The following AFF3 variants were observed in gnomAD, a reference collection of about 807,000 sequenced individuals.
The protein encoded by AFF3 is ALF transcription elongation factor 3.
AFF3 carries 32 observed loss-of-function variants against 129.7 expected under a neutral mutation model. That is an observed-to-expected ratio of 0.25 (90% CI 0.19 to 0.33). AFF3 has a LOEUF of 0.33. Ranked by LOEUF, AFF3 falls within the 10% of genes least tolerant of loss-of-function variation. AFF3 has a pLI of 1.00. For missense variants in AFF3, 1,373 were observed against 1,592.0 expected (o/e 0.86, Z 2.34); for synonymous variants, 644 against 635.4 (o/e 1.01, Z -0.20).
At chr2:99,811,488 C>G (rs961353742) in intron 8 of AFF3, among the ~76,000 whole-genome samples, 1 of 152,064 alleles carries the variant, frequency 6.6e-6, no homozygotes, top group South Asian at 2.1e-4. Context: ...TGGTCTGGTG[C>G]TCTTTATCCT....
At position 99,593,484 on chromosome 2, in the gene AFF3, A is replaced by G; in HGVS notation, c.2177T>C (p.Ile726Thr). The change falls in exon 15 of 25, where the codon ATC (isoleucine) becomes ACC (threonine). Residue 726 changes from isoleucine (I) to threonine (T), a missense_variant. Ile to Thr is a moderately conservative substitution (Grantham distance 89). This residue lies in a region of AFF3 where 466 missense variants were observed against 505.0 expected (regional missense o/e 0.92). Coordinates refer to ENST00000672756, the MANE Select transcript of AFF3 (RefSeq NM_001386135.1). ...GATGTCACTGGTGGTCCTGGCGTTG[A>G]TGGAGCCTACAGGGGCCCTAGGACC... Reference protein sequence around the residue: ...GSGPRAPVGSINARTTSDIAK... With the variant: ...GSGPRAPVGSTNARTTSDIAK... 6.2e-7 allele frequency: 1 copy of G among 1,613,826 alleles called. No homozygotes were observed. Among genetic ancestry groups the G allele is most frequent in the East Asian group, 2.2e-5 (1 of 44,850 alleles).
intron 7 of AFF3, among the ~76,000 whole-genome samples, chr2:99,910,312 A>G (rs1289855841): frequency 6.6e-6 from 1 of 152,166 alleles, no homozygotes; most frequent in Non-Finnish European, 1.5e-5. Context: ...TTTATTGCTC[A>G]TTTGTTTTCA....
At chr2:99,577,823 G>A (rs1045089534) in intron 18 of AFF3, among the ~76,000 whole-genome samples, 1 of 152,128 alleles carries the variant, frequency 6.6e-6, no homozygotes, top group Non-Finnish European at 1.5e-5. Context: ...TTATACTTGT[G>A]TGAAACTGAA....
intron 7 of AFF3, among the ~76,000 whole-genome samples, chr2:99,845,721 C>T (rs1184221464): frequency 6.6e-6 from 1 of 152,150 alleles, no homozygotes; most frequent in Non-Finnish European, 1.5e-5. Flanking sequence ...GCAGGAGTGA[C>T]AATGCTGAAG....
chr2:100,059,465 C>T lies in AFF3; in HGVS notation c.53+44937G>A, dbSNP rs1687074758. 2.0e-5 allele frequency among the ~76,000 whole-genome samples: 3 copies of T among 152,026 alleles called. No homozygotes were observed. The South Asian group carries it at 6.2e-4, about 32-fold the overall frequency. On this transcript the variant is annotated intron_variant, in intron 4 of 24. Transcript: ENST00000672756. ...ACATAATTAAAAAGTCTTAGTGAGG[C>T]TGTGGAGAAACTGGAACCTTCATAC...
chr2:99,578,334 C>G lies in AFF3; in HGVS notation c.2911G>C (p.Asp971His), dbSNP rs756936353. ...RDCKRQKLVF[D>H]DMPRSADYFM... is the part of the protein sequence containing the mutation. ...AAAAGCGTCTGAACTTACATATCAT[C>G]GAAGACAAGTTTCTGCCTCTTGCAG... The change falls in exon 18 of 25, where the codon GAT becomes CAT. Residue 971 changes from aspartate to histidine, a missense_variant. By Grantham distance (81) the Asp-to-His change is moderately conservative (BLOSUM62 -1). Transcript: ENST00000672756. The G allele has an allele frequency of 4.4e-6, 7 of 1,599,848 alleles. No individual in the cohort carries two copies. The highest frequency in any genetic ancestry group is 1.1e-5 in the South Asian group (1 of 88,226).
intron 10 of AFF3, among the ~76,000 whole-genome samples, chr2:99,736,044 C>T (rs916235996): frequency 3.3e-5 from 5 of 152,056 alleles, no homozygotes; most frequent in Non-Finnish European, 7.4e-5. Context: ...TTGAAACTTG[C>T]TTTATGGTCC....
chr2:100,095,968 C>T (rs867987373), intron 4 of AFF3, among the ~76,000 whole-genome samples: 5 of 152,068 alleles, frequency 3.3e-5, no homozygotes, highest in African/African-American at 7.2e-5. Context: ...ATGGGTTCCA[C>T]GTAGAGTCTT....
chr2:99,785,383 A>G lies in AFF3; in HGVS notation c.922-33082T>C, dbSNP rs570951392. Among the ~76,000 whole-genome samples the G allele has an allele frequency of 5.3e-5, 8 of 152,342 alleles. No homozygotes were observed. The East Asian group carries it at 1.4e-3, about 26-fold the overall frequency. ...ACAGAAGTGGCTTCTACCTGCCTTT[A>G]TAAGGACAGCGCTAGTTCGAAAATT... On this transcript the variant is annotated intron_variant, in intron 8 of 24. Transcript: ENST00000672756.
intron 11 of AFF3, chr2:99,707,432 C>T (rs2104838581): frequency 1.0e-6 from 1 of 985,272 alleles, no homozygotes; most frequent in Non-Finnish European, 1.2e-6. Context: ...TATCAAGTAT[C>T]AGATAATTTT....
chr2:99,949,086 C>T (rs917211657), intron 7 of AFF3, among the ~76,000 whole-genome samples: 1 of 152,102 alleles, frequency 6.6e-6, no homozygotes, highest in Non-Finnish European at 1.5e-5. Context: ...GATTTAAATC[C>T]TAGCTCTGCC....
intron 9 of AFF3, among the ~76,000 whole-genome samples, chr2:99,749,421 A>G (rs1681442721): frequency 6.6e-6 from 1 of 152,230 alleles, no homozygotes; most frequent in Non-Finnish European, 1.5e-5. Flanking sequence ...ATATTTTTGG[A>G]AAAGTCGTAA....
At chr2:99,668,307 G>A (rs1270380772) in intron 12 of AFF3, among the ~76,000 whole-genome samples, 2 of 152,014 alleles carry the variant, frequency 1.3e-5, no homozygotes, top group Admixed American at 6.5e-5. Context: ...GAGTAGCTGG[G>A]ATTACACGTG....
chr2:99,729,930 T>C (rs998546429), intron 10 of AFF3, among the ~76,000 whole-genome samples: 6 of 152,066 alleles, frequency 3.9e-5, no homozygotes, highest in African/African-American at 1.4e-4. Flanking sequence ...GAAGCCATTT[T>C]ACATGCGGAA....
intron 7 of AFF3, among the ~76,000 whole-genome samples, chr2:99,855,478 A>G (rs1425875571): frequency 6.6e-6 from 1 of 152,220 alleles, no homozygotes; most frequent in African/African-American, 2.4e-5. Context: ...AGCAAAAAAA[A>G]TACCTTGATG....
At chr2:100,092,169 G>A (rs185710803) in intron 4 of AFF3, among the ~76,000 whole-genome samples, 19 of 152,150 alleles carry the variant, frequency 1.2e-4, no homozygotes, top group Non-Finnish European at 2.2e-4. Flanking sequence ...GCATTTACAC[G>A]CAATACATTT....
intron 12 of AFF3, among the ~76,000 whole-genome samples, chr2:99,652,126 G>A (rs912328282): frequency 2.0e-5 from 3 of 152,192 alleles, no homozygotes; most frequent in African/African-American, 7.2e-5. Flanking sequence ...TTAGAGGGAT[G>A]AATCAGTCAG....
At position 99,855,348 on chromosome 2, in the gene AFF3, T is replaced by C. The variant is rs959031532; in HGVS notation, c.874-17824A>G. ...GTCTTATAAAGCTGTTACAAAAAAA[T>C]TAAGAGAATACACAGTCTGGAAGAA... On this transcript the variant is annotated intron_variant, in intron 7 of 24. Transcript: ENST00000672756. Among the ~76,000 whole-genome samples the C allele has an allele frequency of 5.9e-5, 9 of 152,096 alleles. No individual in the cohort carries two copies. In the East Asian group the frequency reaches 1.7e-3, roughly 29 times the overall value.
At chr2:99,735,643 C>T (rs574003430) in intron 10 of AFF3, among the ~76,000 whole-genome samples, 1 of 152,250 alleles carries the variant, frequency 6.6e-6, no homozygotes, top group Non-Finnish European at 1.5e-5. Flanking sequence ...CAGGCGCCTG[C>T]CACCACACCC....
Sources: allele counts gnomAD v4.1 joint callset (sites outside exome capture counted in the v4.1 genomes callset), GRCh38; gene constraint gnomAD v4.1.1; regional missense constraint gnomAD v4.1.1; transcripts MANE v1.5; gene names NCBI Gene and HGNC (gene_info 2026-07-23, HGNC 2026-07-21).